The following DHTKD1 variants were observed in gnomAD, a reference collection of about 807,000 sequenced individuals.
The protein encoded by DHTKD1 is dehydrogenase E1 and transketolase domain containing 1.
Under a neutral mutation model 101.8 loss-of-function variants are expected in DHTKD1, and 78 were observed. That is an observed-to-expected ratio of 0.77 (90% CI 0.64 to 0.93). The LOEUF (loss-of-function observed/expected upper bound fraction) is 0.93, where lower values mean the gene tolerates loss of function less well. DHTKD1 is among the 40% of genes least tolerant of loss of function. The pLI is 0.00. For synonymous variants in DHTKD1, 462 were observed against 450.3 expected (o/e 1.03, Z -0.33); for missense variants, 1,223 against 1,161.7 (o/e 1.05, Z -0.77).
chr10:12,074,867 T>C (rs1460719488), intron 1 of DHTKD1, among the ~76,000 whole-genome samples: 4 of 152,016 alleles, frequency 2.6e-5, no homozygotes, highest in African/African-American at 9.7e-5. Context: ...CCAGCGGCCA[T>C]ATTGAAAACG....
chr10:12,106,248 C>T lies in DHTKD1; in HGVS notation c.1899C>T (p.Val633=), dbSNP rs1209900524. 9 of 1,614,148 alleles carry T rather than the reference C, an allele frequency of 5.6e-6. No individual in the cohort carries two copies. The highest frequency in any genetic ancestry group is 7.6e-6 in the Non-Finnish European group (9 of 1,179,998). Residue 633 remains valine (V), a splice_region_variant and synonymous_variant, in exon 11 of 17, where the codon GTC becomes GTT. Coordinates refer to ENST00000263035, the MANE Select transcript of DHTKD1 (RefSeq NM_018706.7). ...MDPNQKGFLE[V]SNSPLSEEAV... is the part of the protein sequence containing the mutation. The stretch of plus-strand genomic sequence containing the variant: ...TTCCTTCTCTTCTCTGGGATTAGGT[C>T]AGCAACAGCCCACTGTCAGAAGAGG...
chr10:12,089,400 C>A, intron 5 of DHTKD1, 145 bp downstream of exon 5: 1 of 853,300 alleles, frequency 1.2e-6, no homozygotes, highest in Non-Finnish European at 1.8e-6. Context: ...GTTTTAAAAA[C>A]TAACAGGAGA....
intron 1 of DHTKD1, among the ~76,000 whole-genome samples, chr10:12,071,885 T>C (rs1226061530): frequency 6.6e-6 from 1 of 152,256 alleles, no homozygotes; most frequent in African/African-American, 2.4e-5. Context: ...GCAATTTATT[T>C]GTGACATATA....
intron 14 of DHTKD1, 139 bp from the exon 15 acceptor site, chr10:12,118,610 C>T: frequency 2.1e-6 from 1 of 482,194 alleles, no homozygotes. Flanking sequence ...TCTTGATTTC[C>T]TGACCTCGTG....
At chr10:12,074,687 C>T (rs1832700455) in intron 1 of DHTKD1, among the ~76,000 whole-genome samples, 1 of 151,048 alleles carries the variant, frequency 6.6e-6, no homozygotes, top group South Asian at 2.1e-4. Flanking sequence ...AATGCAGTGG[C>T]CAAAATCTCC....
intron 1 of DHTKD1, among the ~76,000 whole-genome samples, chr10:12,070,581 T>G (rs1030749194): frequency 6.6e-6 from 1 of 152,200 alleles, no homozygotes; most frequent in East Asian, 1.9e-4. Context: ...CTCTGTCTTC[T>G]GGGTTCAAGC....
chr10:12,073,538 G>C (rs934214507), intron 1 of DHTKD1, among the ~76,000 whole-genome samples: 27 of 152,206 alleles, frequency 1.8e-4, no homozygotes, highest in South Asian at 1.5e-3. Flanking sequence ...GTAGAAACAG[G>C]GTTTCACATG....
chr10:12,076,704 G>C (rs1053130565), intron 1 of DHTKD1, among the ~76,000 whole-genome samples: 53 of 151,968 alleles, frequency 3.5e-4, no homozygotes, highest in Admixed American at 2.3e-3. Flanking sequence ...TGTCGCCCAG[G>C]CTGGAGCGCG....
At chr10:12,118,663 T>G in intron 14 of DHTKD1, 86 bp from the exon 15 acceptor site, 369 of 1,167,458 alleles carry the variant, frequency 3.2e-4, no homozygotes, top group Non-Finnish European at 3.8e-4. Context: ...ATTACAGGCG[T>G]GAGCTACTGC....
At chr10:12,086,776 C>T (rs1315732548) in intron 3 of DHTKD1, among the ~76,000 whole-genome samples, 4 of 151,834 alleles carry the variant, frequency 2.6e-5, no homozygotes, top group Non-Finnish European at 5.9e-5. Flanking sequence ...CTGCAACCTC[C>T]GCCTCCTGGA....
In DHTKD1 at chr10:12,101,172, G is replaced by T. The variant is rs1231729879; in HGVS notation, c.1887G>T (p.Gly629=). ...PLNHMDPNQK[G]FLEVSNSPLS... is the part of the protein sequence containing the mutation. ...ACCATATGGACCCAAATCAGAAGGG[G>T]TTTCTAGAGGTGAGATGTTTCTATA... The change falls in exon 10 of 17, where the codon GGG becomes GGT. Residue 629 remains glycine, a synonymous_variant. Coordinates refer to ENST00000263035, the MANE Select transcript of DHTKD1 (RefSeq NM_018706.7). 6.2e-7 allele frequency: 1 copy of T among 1,612,568 alleles called. No individual in the cohort carries two copies. The highest frequency in any genetic ancestry group is 8.5e-7 in the Non-Finnish European group (1 of 1,179,628).
chr10:12,092,632 C>T (rs1263440472), intron 6 of DHTKD1, among the ~76,000 whole-genome samples: 4 of 151,892 alleles, frequency 2.6e-5, no homozygotes, highest in African/African-American at 4.8e-5. Context: ...AGAGAAACCC[C>T]GTCTCTAATA....
rs1384416891 is a variant in DHTKD1 at position 12,091,539 on chromosome 10, T to A, written c.1014T>A (p.Gly338=). 1 of 1,610,604 alleles carries A rather than the reference T, an allele frequency of 6.2e-7. No individual in the cohort carries two copies. Among genetic ancestry groups the A allele is most frequent in the Non-Finnish European group, 8.5e-7 (1 of 1,179,016 alleles). The change falls in exon 6 of 17, where the codon GGT becomes GGA. Residue 338 remains glycine (G), a synonymous_variant. Transcript: ENST00000263035. ...LQVHGDASFC[G]QGIVPETFTL... ...TCCATGGTGATGCTTCTTTCTGTGG[T>A]CAAGGGATTGTTCCTGAAACATTCA...
Position 12,069,200 on chromosome 10 carries a change from G to T in DHTKD1, c.154+13G>T, listed in dbSNP as rs761907787. The T allele has an allele frequency of 2.0e-6, 3 of 1,535,356 alleles. No individual in the cohort carries two copies. The highest frequency in any genetic ancestry group is 2.4e-5 in the South Asian group (2 of 83,338). ...GAGCGCCCCCCAGGTCGGGGATGGG[G>T]CCCGGGCGGTGGGAGCGGGGGCTGG... On this transcript the variant is annotated intron_variant, in intron 1 of 16. Transcript: ENST00000263035.
chr10:12,120,138 G>C, intron 15 of DHTKD1, 44 bp from the exon 16 acceptor site: 1 of 1,472,902 alleles, frequency 6.8e-7, no homozygotes, highest in Non-Finnish European at 9.5e-7. Context: ...GGGACCGTCT[G>C]CATGTGTCTA....
rs775780628 is a variant in DHTKD1, at chr10:12,094,250, C to T, written c.1337C>T (p.Pro446Leu). The T allele has an allele frequency of 1.9e-6, 3 of 1,614,088 alleles. No individual in the cohort carries two copies. Among genetic ancestry groups the T allele is most frequent in the East Asian group, 4.5e-5 (2 of 44,884 alleles). ...NELDEPFYTN[P>L]IMYKIIRARK... The stretch of plus-strand genomic sequence containing the variant: ...CTGGATGAGCCATTCTACACCAACC[C>T]CATCATGTACAAAATCATCAGGTAC... The change falls in exon 7 of 17, where the codon CCC becomes CTC. Residue 446 changes from proline to leucine, a missense_variant. Physicochemically the swap from Pro to Leu is moderately conservative, Grantham distance 98 (BLOSUM62 -3). Coordinates refer to ENST00000263035, the MANE Select transcript of DHTKD1 (RefSeq NM_018706.7).
At chr10:12,076,677 G>T (rs954764113) in intron 1 of DHTKD1, among the ~76,000 whole-genome samples, 5 of 151,378 alleles carry the variant, frequency 3.3e-5, no homozygotes, top group African/African-American at 9.7e-5. Flanking sequence ...TTTTTTTCTC[G>T]GGACGGAGTT....
rs1179178456 is a variant in DHTKD1, at chr10:12,094,106, A to G, written c.1193A>G (p.Asn398Ser). The change falls in exon 7 of 17, where the codon AAT (asparagine) becomes AGT (serine). Residue 398 changes from asparagine to serine, a missense_variant. Physicochemically the swap from Asn to Ser is conservative, Grantham distance 46. Coordinates refer to ENST00000263035, the MANE Select transcript of DHTKD1 (RefSeq NM_018706.7). ...KLVGCAIIHV[N>S]GDSPEEVVRA... is the part of the protein sequence containing the mutation. ...GTGGGCTGTGCCATCATCCATGTCA[A>G]TGGAGACAGCCCAGAGGAAGTGGTC... The G allele has an allele frequency of 1.1e-5, 18 of 1,613,928 alleles. No homozygotes were observed. The highest frequency in any genetic ancestry group is 1.4e-5 in the Non-Finnish European group (17 of 1,179,998).
intron 10 of DHTKD1, 87 bp from the exon 11 acceptor site, chr10:12,106,159 C>T: frequency 7.1e-7 from 1 of 1,399,642 alleles, no homozygotes; most frequent in Non-Finnish European, 1.0e-6. Context: ...TCCCTCTCCG[C>T]ACCACCTCCC....
Sources: allele counts gnomAD v4.1 joint callset (sites outside exome capture counted in the v4.1 genomes callset), GRCh38; gene constraint gnomAD v4.1.1; transcripts MANE v1.5; gene names NCBI Gene and HGNC (gene_info 2026-07-23, HGNC 2026-07-21).